Variants in PIP4K2B observed in about 807,000 individuals in gnomAD.
PIP4K2B encodes phosphatidylinositol-5-phosphate 4-kinase type 2 beta.
In PIP4K2B, 3 loss-of-function variants were observed where a neutral mutation model predicts 42.0. The ratio of observed to expected loss-of-function variants is 0.07; its 90% CI spans 0.03 to 0.18. The LOEUF is 0.18. Among genes scored for constraint, PIP4K2B ranks in the 10% least tolerant of loss-of-function variants. PIP4K2B has a pLI of 1.00. For synonymous variants in PIP4K2B, 204 were observed against 210.1 expected (o/e 0.97, Z 0.25); for missense variants, 332 against 562.3 (o/e 0.59, Z 4.14).
intron 1 of PIP4K2B, among the ~76,000 whole-genome samples, chr17:38,788,393 G>A (rs1910156966): frequency 6.6e-6 from 1 of 151,718 alleles, no homozygotes; most frequent in African/African-American, 2.4e-5. Context: ...GTAGAGACAG[G>A]GTTTCACCAT....
At chr17:38,790,955 G>A (rs995852165) in intron 1 of PIP4K2B, among the ~76,000 whole-genome samples, 5 of 152,060 alleles carry the variant, frequency 3.3e-5, no homozygotes, top group African/African-American at 9.7e-5. Flanking sequence ...TGTTCCTATT[G>A]AAATATCTGC....
chr17:38,785,654 G>C (rs1412361613), intron 2 of PIP4K2B, among the ~76,000 whole-genome samples: 1 of 152,172 alleles, frequency 6.6e-6, no homozygotes, highest in Non-Finnish European at 1.5e-5. Context: ...ACTACAGCCT[G>C]GGCAACAAGA....
At chr17:38,787,480 T>G (rs1246269254) in intron 1 of PIP4K2B, among the ~76,000 whole-genome samples, 2 of 152,274 alleles carry the variant, frequency 1.3e-5, no homozygotes, top group Non-Finnish European at 2.9e-5. Flanking sequence ...TTGGAATTCC[T>G]GAAGTTTTCT....
Position 38,799,556 on chromosome 17 carries a change from T to G in PIP4K2B, c.-132A>C. ...CGCGCCATGGTCGCGCCCGTCCCGT[T>G]ACCTCCCACCCCGCCCCGGTGGTTC... On this transcript the variant is annotated 5_prime_UTR_variant, in exon 1 of 10. Transcript: ENST00000619039. This position sits in a 1 kb window ranked among gnomAD's most constrained non-coding sequence, Gnocchi z 4.4. 1 of 1,278,206 alleles carries G rather than the reference T, an allele frequency of 7.8e-7. No homozygotes were observed. The highest frequency in any genetic ancestry group is 9.9e-7 in the Non-Finnish European group (1 of 1,005,108). 79.2% of individuals were successfully genotyped at this position (1,278,206 alleles called of 1,614,324 possible). A position where few individuals can be genotyped will look rare whatever the true frequency, so the allele number is the denominator to read the frequency against.
At chr17:38,774,351 C>G (rs1345213640) in intron 7 of PIP4K2B, among the ~76,000 whole-genome samples, 1 of 152,226 alleles carries the variant, frequency 6.6e-6, no homozygotes, top group Non-Finnish European at 1.5e-5. Context: ...GAAGAGGGAA[C>G]TCCTTCTGCC....
chr17:38,797,166 C>A (rs1490067344), intron 1 of PIP4K2B, among the ~76,000 whole-genome samples: 2 of 151,034 alleles, frequency 1.3e-5, no homozygotes, highest in East Asian at 3.9e-4. Context: ...GCCCCTCAAA[C>A]AAACTTTCAA....
intron 1 of PIP4K2B, among the ~76,000 whole-genome samples, chr17:38,796,336 A>G (rs1910660808): frequency 6.6e-6 from 1 of 152,166 alleles, no homozygotes; most frequent in Non-Finnish European, 1.5e-5. Flanking sequence ...TTAAATACAG[A>G]GTCACCATCA....
rs1884400620 is a variant in PIP4K2B, at chr17:38,799,258, C to G, written c.159+8G>C. ...CCGCGCTCAGAGGGGCGCGCAGGAG[C>G]TGGTTACCGTGTGGTTCACCCCCCA... On this transcript the variant is annotated splice_region_variant and intron_variant, in intron 1 of 9. Coordinates refer to ENST00000619039, the MANE Select transcript of PIP4K2B (RefSeq NM_003559.5). The surrounding 1 kb of genome is among the most constrained non-coding windows in gnomAD (Gnocchi z 4.4). The G allele has an allele frequency of 6.3e-7, 1 of 1,586,080 alleles. No homozygotes were observed. The highest frequency in any genetic ancestry group is 8.6e-7 in the Non-Finnish European group (1 of 1,168,422).
intron 1 of PIP4K2B, among the ~76,000 whole-genome samples, chr17:38,791,819 G>A (rs1394106952): frequency 6.7e-6 from 1 of 150,132 alleles, no homozygotes; most frequent in Admixed American, 6.6e-5. Flanking sequence ...GCTGGGCGTA[G>A]TGGCTCACGC....
At chr17:38,770,044 G>C (rs1440831302) in intron 9 of PIP4K2B, among the ~76,000 whole-genome samples, 1 of 152,162 alleles carries the variant, frequency 6.6e-6, no homozygotes, top group Admixed American at 6.5e-5. Context: ...ATCTCTGTGG[G>C]GGCCACTACA....
intron 7 of PIP4K2B, among the ~76,000 whole-genome samples, chr17:38,772,062 G>C (rs1274209861): frequency 6.6e-6 from 1 of 152,106 alleles, no homozygotes; most frequent in Non-Finnish European, 1.5e-5. Context: ...GGCCAAGTTT[G>C]AGGAAAGAAA....
chr17:38,787,015 C>A, intron 1 of PIP4K2B, 95 bp from the exon 2 acceptor site: 1 of 829,678 alleles, frequency 1.2e-6, no homozygotes, highest in Non-Finnish European at 2.1e-6. Context: ...TTGCTAAAAG[C>A]ATGTCCAAGT....
intron 3 of PIP4K2B, among the ~76,000 whole-genome samples, chr17:38,783,079 C>T (rs1353335266): frequency 6.6e-6 from 1 of 150,404 alleles, no homozygotes; most frequent in Non-Finnish European, 1.5e-5. Context: ...CCTGTAATCC[C>T]AGCTACTCGG....
rs372465523 is a variant in PIP4K2B, at chr17:38,778,391, T to C, written c.655-19A>G. The C allele has an allele frequency of 1.2e-6, 2 of 1,613,592 alleles. No homozygotes were observed. Among genetic ancestry groups the C allele is most frequent in the African/African-American group, 2.7e-5 (2 of 74,852 alleles). ...TAGAACCCTGAAAGGATAAGAGCCA[T>C]CAGGGGAAGTCAAGCTGAGGCAAAG... On this transcript the variant is annotated intron_variant, in intron 5 of 9. Coordinates refer to ENST00000619039, the MANE Select transcript of PIP4K2B (RefSeq NM_003559.5).
chr17:38,778,143 A>G (rs1909472294), intron 6 of PIP4K2B, among the ~76,000 whole-genome samples, 191 bp downstream of exon 6: 1 of 152,206 alleles, frequency 6.6e-6, no homozygotes, highest in Non-Finnish European at 1.5e-5. Context: ...GGCAGAGGTA[A>G]AAGACCAGAG....
intron 7 of PIP4K2B, 146 bp from the exon 8 acceptor site, chr17:38,771,418 AC>A: frequency 1.2e-6 from 1 of 806,230 alleles, no homozygotes; most frequent in East Asian, 2.9e-5. Flanking sequence ...GCATCAGAGC[AC>A]CCGCCCTCGC....
chr17:38,777,735 T>C lies in PIP4K2B; in HGVS notation c.759A>G (p.Gly253=), dbSNP rs144144103. ...FLNEGQKLHV[G]EESKKNFLEK... The stretch of plus-strand genomic sequence containing the variant: ...CCAGGAAGTTCTTTTTACTCTCCTC[T>C]CCCACATGCAGCTTCTGCCCTTCAT... The change falls in exon 7 of 10, where the codon GGA becomes GGG. Residue 253 remains glycine (G), a synonymous_variant. Coordinates refer to ENST00000619039, the MANE Select transcript of PIP4K2B (RefSeq NM_003559.5). The C allele has an allele frequency of 4.3e-6, 7 of 1,614,182 alleles. No individual in the cohort carries two copies. In the Middle Eastern group the frequency reaches 4.9e-4, roughly 114 times the overall value.
intron 9 of PIP4K2B, 96 bp from the exon 10 acceptor site, chr17:38,769,867 C>T (rs1233852988): frequency 1.7e-6 from 2 of 1,154,226 alleles, no homozygotes; most frequent in Non-Finnish European, 2.6e-6. Flanking sequence ...GCCTCTTACT[C>T]AGTATCAGAG....
chr17:38,775,087 C>CTGTA (rs1366653863), intron 7 of PIP4K2B, among the ~76,000 whole-genome samples: 1 of 151,678 alleles, frequency 6.6e-6, no homozygotes, highest in Non-Finnish European at 1.5e-5. Context: ...GTAGCTGGGA[C>CTGTA]TACAGGCGCC....
Sources: gnomAD v4.1 joint callset for allele counts (sites outside exome capture counted in the v4.1 genomes callset) on GRCh38, gnomAD v4.1.1 for gene constraint, Gnocchi (gnomAD v3.1) non-coding constraint, MANE v1.5 for transcripts, NCBI Gene and HGNC (gene_info 2026-07-23, HGNC 2026-07-21) for gene names.